Variants in UTP20 observed in about 807,000 individuals in gnomAD.
UTP20 encodes the protein UTP20 small subunit processome component.
UTP20 carries 164 observed loss-of-function variants against 329.5 expected under a neutral mutation model. That is an observed-to-expected ratio of 0.50 (90% CI 0.44 to 0.57). The LOEUF is 0.57. UTP20 is among the 20% of genes least tolerant of loss of function. The probability of loss-of-function intolerance (pLI) is 0.00; values close to 1 mark genes in which losing one functional copy is unlikely to be tolerated. For missense variants in UTP20, 3,055 were observed against 3,284.2 expected, an observed-to-expected ratio of 0.93 and a Z score of 1.71; for synonymous variants, 1,151 against 1,159.3, an observed-to-expected ratio of 0.99 and a Z score of 0.14.
chr12:101,327,333 C>A, intron 26 of UTP20, 86 bp downstream of exon 26: 1 of 1,327,658 alleles, frequency 7.5e-7, no homozygotes, highest in Non-Finnish European at 9.9e-7. Flanking sequence ...TGCTCCTGGG[C>A]GTCTTTCTAA....
intron 43 of UTP20, among the ~76,000 whole-genome samples, chr12:101,361,668 T>TAA (rs1166287344): frequency 2.8e-5 from 3 of 107,124 alleles, no homozygotes; most frequent in Admixed American, 1.0e-4. Flanking sequence ...AATAAATAAA[T>TAA]AAATAAATAA....
chr12:101,323,967 A>G (rs1868465699), intron 25 of UTP20, among the ~76,000 whole-genome samples: 3 of 151,570 alleles, frequency 2.0e-5, no homozygotes, highest in Admixed American at 2.0e-4. Context: ...TGAAACCCCA[A>G]CTCTACTAAA....
chr12:101,289,261 C>T (rs531389734), intron 6 of UTP20, among the ~76,000 whole-genome samples: 2 of 152,204 alleles, frequency 1.3e-5, no homozygotes, highest in African/African-American at 4.8e-5. Flanking sequence ...CCTGTATCCT[C>T]AGCTACTTGG....
At position 101,376,210 on chromosome 12, in the gene UTP20, G is replaced by A. The variant is rs145138224; in HGVS notation, c.7396+454G>A. On this transcript the variant is annotated intron_variant, in intron 56 of 61. Transcript: ENST00000261637. The stretch of plus-strand genomic sequence containing the variant: ...CCATATAAACTTTGATATCCTGTTT[G>A]TACCTAAGTAAGCATATTACTATCT... Among the ~76,000 whole-genome samples the A allele has an allele frequency of 1.8e-4, 27 of 152,150 alleles. No individual in the cohort carries two copies. In the East Asian group the frequency reaches 4.6e-3, roughly 26 times the overall value.
chr12:101,303,479 G>A (rs114269857), intron 15 of UTP20, among the ~76,000 whole-genome samples: 1,669 of 152,288 alleles, frequency 0.011, 31 homozygotes, highest in African/African-American at 0.038. Context: ...AGTGAGGGAC[G>A]TAAGCCATGA....
chr12:101,367,127 T>G (rs1870122182), intron 47 of UTP20, among the ~76,000 whole-genome samples: 1 of 151,736 alleles, frequency 6.6e-6, no homozygotes, highest in Admixed American at 6.6e-5. Flanking sequence ...AAAAAAAAAT[T>G]TTTTTTAATT....
intron 28 of UTP20, among the ~76,000 whole-genome samples, 161 bp downstream of exon 28, chr12:101,333,605 C>T (rs1322498965): frequency 6.6e-6 from 1 of 152,140 alleles, no homozygotes; most frequent in Non-Finnish European, 1.5e-5. Context: ...TCTTTGCCTT[C>T]ACTACCACCT....
intron 11 of UTP20, 124 bp downstream of exon 11, chr12:101,293,369 T>C: frequency 1.3e-6 from 1 of 791,538 alleles, no homozygotes; most frequent in Non-Finnish European, 2.0e-6. Context: ...CTTGATGTTT[T>C]AGTCAATATG....
rs750262301 is a variant in UTP20, at chr12:101,338,872, C to G, written c.3928C>G (p.Leu1310Val). The G allele has an allele frequency of 4.3e-6, 7 of 1,611,994 alleles. No homozygotes were observed. In the East Asian group the frequency reaches 1.6e-4, roughly 36 times the overall value. Residue 1310 changes from leucine (L) to valine (V), a missense_variant, in exon 31 of 62, where the codon CTC becomes GTC. This residue lies in a region of UTP20 where 2,445 missense variants were observed against 2,575.5 expected (regional missense o/e 0.95). Transcript: ENST00000261637. ...TCATGTACCTGCAATTCTTCAGTAT[C>G]TCAGCAAAACCACAATAAGCGCAGA... ...LPHVPAILQY[L>V]SKTTISAEKV...
chr12:101,373,366 G>T (rs747263749), intron 52 of UTP20, 35 bp from the exon 53 acceptor site: 13 of 1,556,398 alleles, frequency 8.4e-6, no homozygotes, highest in Non-Finnish European at 1.2e-5. Flanking sequence ...AAATTTAGAA[G>T]ATACTAACAA....
At chr12:101,325,883 C>G (rs1868536011) in intron 25 of UTP20, among the ~76,000 whole-genome samples, 1 of 152,150 alleles carries the variant, frequency 6.6e-6, no homozygotes, top group South Asian at 2.1e-4. Context: ...TGACATCTTC[C>G]CAATGCTTAA....
At chr12:101,375,944 C>A (rs1285880882) in intron 56 of UTP20, among the ~76,000 whole-genome samples, 188 bp downstream of exon 56, 2 of 151,878 alleles carry the variant, frequency 1.3e-5, no homozygotes, top group Non-Finnish European at 1.5e-5. Context: ...GAAAAAAAAA[C>A]GTATCTATGA....
intron 51 of UTP20, among the ~76,000 whole-genome samples, chr12:101,371,436 G>C (rs1039854807): frequency 6.6e-6 from 1 of 151,950 alleles, no homozygotes; most frequent in Non-Finnish European, 1.5e-5. Context: ...GCTTGGTTGA[G>C]GAGCTCAACA....
In UTP20 at chr12:101,329,465, G is replaced by C. The variant is rs145902641; in HGVS notation, c.3417+16G>C. On this transcript the variant is annotated intron_variant, in intron 27 of 61. Coordinates refer to ENST00000261637, the MANE Select transcript of UTP20 (RefSeq NM_014503.3). The stretch of plus-strand genomic sequence containing the variant: ...ACGAGAAAAGGTTAGATTCACTATA[G>C]ATGCTTTCAAGTCAAGTGCTTGAAC... 1.4e-5 allele frequency: 22 copies of C among 1,599,414 alleles called. No homozygotes were observed. In the African/African-American group the frequency reaches 1.7e-4, roughly 13 times the overall value.
rs562678669 is a variant in UTP20 at position 101,350,091 on chromosome 12, C to T, written c.4885-1964C>T. Among the ~76,000 whole-genome samples the T allele has an allele frequency of 8.6e-5, 13 of 152,038 alleles. No homozygotes were observed. The South Asian group carries it at 2.7e-3, about 31-fold the overall frequency. ...CTCTCCTTAACATGCTCATATTTTT[C>T]TCTCACTTCTTTTATTTTTCTAAAT... On this transcript the variant is annotated intron_variant, in intron 38 of 61. Coordinates refer to ENST00000261637, the MANE Select transcript of UTP20 (RefSeq NM_014503.3).
intron 23 of UTP20, among the ~76,000 whole-genome samples, chr12:101,320,215 A>G (rs1873104799): frequency 6.6e-6 from 1 of 152,204 alleles, no homozygotes; most frequent in Admixed American, 6.5e-5. Context: ...GATTTTCCTT[A>G]GTACATGACC....
At position 101,338,858 on chromosome 12, in the gene UTP20, C is replaced by T; in HGVS notation, c.3914C>T (p.Ala1305Val). ...AGATTAATTCTACCTCATGTACCTG[C>T]AATTCTTCAGTATCTCAGCAAAACC... ...GGRLILPHVP[A>V]ILQYLSKTTI... The change falls in exon 31 of 62, where the codon GCA (alanine) becomes GTA (valine). Residue 1305 changes from alanine to valine, a missense_variant. This residue lies in a region of UTP20 where 2,445 missense variants were observed against 2,575.5 expected (regional missense o/e 0.95). Coordinates refer to ENST00000261637, the MANE Select transcript of UTP20 (RefSeq NM_014503.3). 1 of 1,611,966 alleles carries T rather than the reference C, an allele frequency of 6.2e-7. No individual in the cohort carries two copies. Among genetic ancestry groups the T allele is most frequent in the Non-Finnish European group, 8.5e-7 (1 of 1,179,420 alleles).
chr12:101,359,531 A>C (rs1361627606), intron 43 of UTP20, among the ~76,000 whole-genome samples: 1 of 147,078 alleles, frequency 6.8e-6, no homozygotes, highest in African/African-American at 2.5e-5. Flanking sequence ...CTCTTCTTCC[A>C]CTCTGTTTAG....
At chr12:101,329,008 A>G (rs1464922681) in intron 26 of UTP20, among the ~76,000 whole-genome samples, 1 of 152,088 alleles carries the variant, frequency 6.6e-6, no homozygotes, top group East Asian at 1.9e-4. Context: ...CTTATTCCTT[A>G]GTTTCTTCTT....
Sources: gnomAD v4.1 joint callset for allele counts (sites outside exome capture counted in the v4.1 genomes callset) on GRCh38, gnomAD v4.1.1 for gene constraint, gnomAD v4.1.1 regional missense constraint, MANE v1.5 for transcripts, NCBI Gene and HGNC (gene_info 2026-07-23, HGNC 2026-07-21) for gene names.